Variants in CSMD1 observed in about 807,000 individuals in gnomAD.
The protein encoded by CSMD1 is CUB and sushi domain-containing protein 1.
In CSMD1, 213 loss-of-function variants were observed where a neutral mutation model predicts 417.5. The observed-to-expected ratio is 0.51, with a 90% CI of 0.46 to 0.57. CSMD1 has a LOEUF of 0.57. Ranked by LOEUF, CSMD1 falls within the 20% of genes least tolerant of loss-of-function variation. The probability of loss-of-function intolerance (pLI) is 0.00; values close to 1 mark genes in which losing one functional copy is unlikely to be tolerated. For synonymous variants in CSMD1, 2,862 were observed against 1,736.8 expected (o/e 1.65, Z -16.11); for missense variants, 6,923 against 4,529.7 (o/e 1.53, Z -15.17).
At chr8:4,985,079 G>A (rs1811102831) in intron 1 of CSMD1, among the ~76,000 whole-genome samples, 2 of 152,184 alleles carry the variant, frequency 1.3e-5, no homozygotes, top group Admixed American at 6.5e-5. Context: ...GGTGGAGCTG[G>A]AGGCCATTAT....
chr8:4,536,877 T>C (rs1023785871), intron 2 of CSMD1, among the ~76,000 whole-genome samples: 23 of 152,178 alleles, frequency 1.5e-4, no homozygotes, highest in African/African-American at 4.8e-4. Context: ...TGCATCAGAG[T>C]GCCAGTTTCT....
At chr8:4,117,142 A>C (rs1012594765) in intron 3 of CSMD1, among the ~76,000 whole-genome samples, 1 of 151,804 alleles carries the variant, frequency 6.6e-6, no homozygotes, top group Non-Finnish European at 1.5e-5. Flanking sequence ...GCCAAGGAGA[A>C]AAGACAGACA....
Position 3,096,881 on chromosome 8 carries a change from TC to T in CSMD1, c.7105del (p.Glu2369LysfsTer20). The part of the protein sequence containing the change: ...ITIFVDTFQS[E>X]KQFDALEVFD... ...CACTTCCAGTGCATCAAACTGCTTT[TC>T]ACTTTGAAATGTGTCCACAAAGATG... On this transcript the variant is annotated frameshift_variant, in exon 47 of 70. Coordinates refer to ENST00000635120, the MANE Select transcript of CSMD1 (RefSeq NM_033225.6). LOFTEE classifies it high-confidence loss of function. 6.4e-7 allele frequency: 1 copy of T among 1,556,952 alleles called. No individual in the cohort carries two copies. Among genetic ancestry groups the T allele is most frequent in the Non-Finnish European group, 8.7e-7 (1 of 1,149,120 alleles).
chr8:3,826,410 G>C (rs1014637093), intron 5 of CSMD1, among the ~76,000 whole-genome samples: 1 of 152,126 alleles, frequency 6.6e-6, no homozygotes. Context: ...CATGAGACAC[G>C]AGTTATTAGG....
chr8:3,544,927 G>C (rs1313279496), intron 10 of CSMD1, among the ~76,000 whole-genome samples: 2 of 152,146 alleles, frequency 1.3e-5, no homozygotes, highest in Admixed American at 1.3e-4. Context: ...TAATCTGAAA[G>C]TATCTTAAAT....
chr8:3,407,459 G>A (rs894401004), intron 14 of CSMD1, among the ~76,000 whole-genome samples: 9 of 151,938 alleles, frequency 5.9e-5, no homozygotes, highest in African/African-American at 2.2e-4. Flanking sequence ...AAAGATGGAT[G>A]GAAGAAAGGA....
In CSMD1 at chr8:3,304,147, A is replaced by C. The variant is rs376108747; in HGVS notation, c.3950+3548T>G. ...TTCCTTGAGAGTGAAAAATATTTAC[A>C]TTAAGATATCATAGTATAAATGCAT... On this transcript the variant is annotated intron_variant, in intron 25 of 69. Coordinates refer to ENST00000635120, the MANE Select transcript of CSMD1 (RefSeq NM_033225.6). Among the ~76,000 whole-genome samples, 13 of 152,292 alleles carry C rather than the reference A, an allele frequency of 8.5e-5. No homozygotes were observed. In the East Asian group the frequency reaches 2.5e-3, roughly 29 times the overall value.
intron 3 of CSMD1, among the ~76,000 whole-genome samples, chr8:4,290,327 A>G (rs970739658): frequency 5.3e-5 from 8 of 152,192 alleles, no homozygotes; most frequent in African/African-American, 1.9e-4. Flanking sequence ...TCGTGTTTGA[A>G]TTTCTACACA....
intron 5 of CSMD1, among the ~76,000 whole-genome samples, chr8:3,951,714 T>G (rs1174851421): frequency 6.6e-6 from 1 of 152,150 alleles, no homozygotes; most frequent in Admixed American, 6.6e-5. Context: ...TGAGACTTCA[T>G]GGGTATTAAC....
intron 5 of CSMD1, among the ~76,000 whole-genome samples, chr8:3,982,475 A>G (rs1813957048): frequency 6.6e-6 from 1 of 152,148 alleles, no homozygotes; most frequent in Non-Finnish European, 1.5e-5. Flanking sequence ...CTATTAGTAT[A>G]TACTCCATAA....
intron 7 of CSMD1, among the ~76,000 whole-genome samples, chr8:3,658,830 A>G (rs948378157): frequency 6.6e-6 from 1 of 152,158 alleles, no homozygotes; most frequent in Non-Finnish European, 1.5e-5. Flanking sequence ...TGTTTGAATT[A>G]TGGTTAATAA....
chr8:3,042,113 G>C (rs771402187), intron 50 of CSMD1, among the ~76,000 whole-genome samples: 2 of 152,118 alleles, frequency 1.3e-5, no homozygotes, highest in Non-Finnish European at 2.9e-5. Context: ...AAGCCACCCA[G>C]GCAGGAGGGT....
chr8:4,291,522 T>C (rs919472904), intron 3 of CSMD1, among the ~76,000 whole-genome samples: 4 of 152,204 alleles, frequency 2.6e-5, no homozygotes. Context: ...TTTCGGAAAG[T>C]ACATTTTGAT....
At chr8:3,597,299 T>C (rs1801140847) in intron 8 of CSMD1, among the ~76,000 whole-genome samples, 1 of 152,152 alleles carries the variant, frequency 6.6e-6, no homozygotes, top group Non-Finnish European at 1.5e-5. Flanking sequence ...ATTCTGAAGC[T>C]GAGCACAGCT....
intron 21 of CSMD1, among the ~76,000 whole-genome samples, chr8:3,349,293 C>T (rs1808233291): frequency 6.6e-6 from 1 of 152,144 alleles, no homozygotes. Context: ...ACCCTCCTTC[C>T]CTCTTTGACA....
chr8:4,444,550 A>G (rs998540734), intron 2 of CSMD1, among the ~76,000 whole-genome samples: 1 of 151,994 alleles, frequency 6.6e-6, no homozygotes, highest in Non-Finnish European at 1.5e-5. Flanking sequence ...TCCATCTTTT[A>G]GGGGTTTTCT....
chr8:4,994,137 G>T (rs917535831), intron 1 of CSMD1, among the ~76,000 whole-genome samples, 195 bp downstream of exon 1: 28 of 152,270 alleles, frequency 1.8e-4, no homozygotes, highest in African/African-American at 6.7e-4. Flanking sequence ...GGTGGGGCGG[G>T]GGCCCAGGAG....
chr8:4,124,127 G>C (rs1802633897), intron 3 of CSMD1, among the ~76,000 whole-genome samples: 1 of 152,082 alleles, frequency 6.6e-6, no homozygotes, highest in African/African-American at 2.4e-5. Context: ...TCTGCAAGAA[G>C]TCAAGTGATG....
chr8:4,419,841 C>T (rs1041563598), intron 3 of CSMD1, 112 bp downstream of exon 3: 2 of 718,710 alleles, frequency 2.8e-6, no homozygotes, highest in Admixed American at 2.1e-5. Flanking sequence ...AATGTCTACA[C>T]CACGGAACGA....
Sources: gnomAD v4.1 joint callset for allele counts (sites outside exome capture counted in the v4.1 genomes callset) on GRCh38, gnomAD v4.1.1 for gene constraint, MANE v1.5 for transcripts, NCBI Gene and HGNC (gene_info 2026-07-23, HGNC 2026-07-21) for gene names.